Variants in TMOD2 observed in about 807,000 individuals in gnomAD.
TMOD2 encodes tropomodulin 2, also known as tropomodulin-2.
In TMOD2, 22 loss-of-function variants were observed where a neutral mutation model predicts 39.9. The observed-to-expected ratio is 0.55, with a 90% confidence interval of 0.39 to 0.79. The LOEUF is 0.79. TMOD2 is among the 30% of genes least tolerant of loss of function. The probability of loss-of-function intolerance (pLI) is 0.00; values close to 1 mark genes in which losing one functional copy is unlikely to be tolerated. For synonymous variants in TMOD2, 123 were observed against 146.1 expected, an observed-to-expected ratio of 0.84 and a Z score of 1.14; for missense variants, 386 against 413.3, an observed-to-expected ratio of 0.93 and a Z score of 0.57.
Position 51,813,633 on chromosome 15 carries a change from G to C in TMOD2, c.*5179G>C, listed in dbSNP as rs1161474622. 2.0e-5 allele frequency: 3 copies of C among 152,200 alleles called. No individual in the cohort carries two copies. Among genetic ancestry groups the C allele is most frequent in the Non-Finnish European group, 4.4e-5 (3 of 68,046 alleles). 9.4% of individuals were successfully genotyped at this position (152,200 alleles called of 1,614,324 possible). On this transcript the variant is annotated 3_prime_UTR_variant, in exon 10 of 10. Transcript: ENST00000249700. The stretch of plus-strand genomic sequence containing the variant: ...AATTATAGACTATATAGGGGGAAGA[G>C]CACTGGATTTGGAGTCAAGAAACCT...
intron 3 of TMOD2, 42 bp downstream of exon 3, chr15:51,768,460 C>CTT (rs61348403): frequency 0.018 from 24,594 of 1,330,016 alleles, 7 homozygotes; most frequent in African/African-American, 0.024. Flanking sequence ...GAGGTTCTCT[C>CTT]TTTTTTTTTT....
chr15:51,793,686 G>T (rs2056028412), intron 7 of TMOD2, among the ~76,000 whole-genome samples: 1 of 152,218 alleles, frequency 6.6e-6, no homozygotes, highest in Non-Finnish European at 1.5e-5. Flanking sequence ...CCAGTATTGT[G>T]TTTGGCTGGC....
chr15:51,777,059 G>A (rs1352556587), intron 5 of TMOD2, 41 bp downstream of exon 5: 1 of 1,572,240 alleles, frequency 6.4e-7, no homozygotes, highest in Non-Finnish European at 8.7e-7. Flanking sequence ...AAGCTTTGGA[G>A]CCTCCAGAGT....
At chr15:51,759,807 G>T (rs558327796) in intron 1 of TMOD2, among the ~76,000 whole-genome samples, 25 of 152,180 alleles carry the variant, frequency 1.6e-4, no homozygotes, top group African/African-American at 2.4e-5. Context: ...TTACAAAGAT[G>T]GGGGGAGGAT....
chr15:51,781,467 C>G (rs1302811447), intron 6 of TMOD2, among the ~76,000 whole-genome samples: 1 of 152,230 alleles, frequency 6.6e-6, no homozygotes, highest in Non-Finnish European at 1.5e-5. Context: ...TTATTTCACA[C>G]ACAATTTTTC....
At chr15:51,801,235 T>TCACACACACACACACA (rs745892590) in intron 8 of TMOD2, among the ~76,000 whole-genome samples, 48 of 108,982 alleles carry the variant, frequency 4.4e-4, no homozygotes, top group African/African-American at 1.8e-3. Context: ...TCTCTCTCTC[T>TCACACACACACACACA]CTCACACACA....
intron 6 of TMOD2, among the ~76,000 whole-genome samples, chr15:51,781,946 A>C (rs1351430943): frequency 6.6e-6 from 1 of 152,136 alleles, no homozygotes; most frequent in African/African-American, 2.4e-5. Context: ...CATGTCCTTT[A>C]CTAAATACTT....
intron 1 of TMOD2, among the ~76,000 whole-genome samples, chr15:51,760,531 G>C (rs778589804): frequency 1.3e-5 from 2 of 152,220 alleles, no homozygotes; most frequent in African/African-American, 2.4e-5. Context: ...TGGGCTGGGC[G>C]TGGTGGCTCA....
intron 7 of TMOD2, among the ~76,000 whole-genome samples, chr15:51,791,370 G>T (rs1353462693): frequency 6.6e-6 from 1 of 152,118 alleles, no homozygotes; most frequent in Non-Finnish European, 1.5e-5. Context: ...ACAAACAAAT[G>T]AAAAAACATT....
intron 5 of TMOD2, among the ~76,000 whole-genome samples, chr15:51,778,270 G>C (rs775069689): frequency 2.8e-5 from 4 of 142,530 alleles, no homozygotes; most frequent in Non-Finnish European, 6.0e-5. Context: ...CTCACTCATA[G>C]ATGGGAATTG....
In TMOD2 at chr15:51,807,562, C is replaced by T. The variant is rs148171099; in HGVS notation, c.1022-858C>T. On this transcript the variant is annotated intron_variant, in intron 9 of 9. Coordinates refer to ENST00000249700, the MANE Select transcript of TMOD2 (RefSeq NM_014548.4). ...AGTGGAAGCAGCAATCAGAAGGCAC[C>T]TAGGAAAAGCACATTGGGTCCACAA... is the stretch of plus-strand genomic sequence containing the variant. Among the ~76,000 whole-genome samples the T allele has an allele frequency of 1.4e-3, 211 of 152,096 alleles. 5 individuals carry two copies. In the East Asian group the frequency reaches 0.037, roughly 26 times the overall value.
At chr15:51,768,196 A>T (rs1246315375) in intron 2 of TMOD2, 66 bp from the exon 3 acceptor site, 1 of 1,581,788 alleles carries the variant, frequency 6.3e-7, no homozygotes, top group Non-Finnish European at 8.7e-7. Flanking sequence ...GTGGGGGTGG[A>T]AGAGGAAGTA....
intron 8 of TMOD2, among the ~76,000 whole-genome samples, chr15:51,803,753 T>A (rs1200635642): frequency 6.6e-6 from 1 of 152,102 alleles, no homozygotes; most frequent in Non-Finnish European, 1.5e-5. Flanking sequence ...ACAAATCAAG[T>A]TAAAAAACTC....
At chr15:51,760,761 G>A (rs186528649) in intron 1 of TMOD2, among the ~76,000 whole-genome samples, 4 of 152,086 alleles carry the variant, frequency 2.6e-5, no homozygotes, top group East Asian at 1.9e-4. Flanking sequence ...AGCCGAGGTC[G>A]TGCCATTGCA....
chr15:51,771,266 A>G (rs2055851909), intron 3 of TMOD2, among the ~76,000 whole-genome samples: 1 of 152,200 alleles, frequency 6.6e-6, no homozygotes, highest in Admixed American at 6.5e-5. Flanking sequence ...GGGCCCCAGA[A>G]GGACCAGTGA....
chr15:51,790,664 G>T (rs910530563), intron 7 of TMOD2, among the ~76,000 whole-genome samples: 1 of 152,134 alleles, frequency 6.6e-6, no homozygotes, highest in African/African-American at 2.4e-5. Flanking sequence ...CTATGATCAA[G>T]TCGCCTTCAT....
intron 4 of TMOD2, among the ~76,000 whole-genome samples, chr15:51,775,196 C>A (rs560997534): frequency 2.4e-4 from 36 of 152,288 alleles, no homozygotes; most frequent in African/African-American, 8.7e-4. Flanking sequence ...ACAGAAAGTT[C>A]TTCAAGGGAG....
chr15:51,763,247 T>C (rs2055793848), intron 1 of TMOD2, among the ~76,000 whole-genome samples: 1 of 152,226 alleles, frequency 6.6e-6, no homozygotes, highest in African/African-American at 2.4e-5. Flanking sequence ...TCACAATTTG[T>C]TTTTTATTCA....
rs2056185264 is a variant in TMOD2, at chr15:51,815,793, T to TA, written c.*7343dup. On this transcript the variant is annotated 3_prime_UTR_variant, in exon 10 of 10. Coordinates refer to ENST00000249700, the MANE Select transcript of TMOD2 (RefSeq NM_014548.4). ...GCATTTTTCATTGCACTTAAAAATG[T>TA]AAAATACCTGCATGCCACTAATCTG... The TA allele has an allele frequency of 1.3e-5, 2 of 152,212 alleles. No individual in the cohort carries two copies. Among genetic ancestry groups the TA allele is most frequent in the Admixed American group, 1.3e-4 (2 of 15,286 alleles). 9.4% of individuals were successfully genotyped at this position (152,212 alleles called of 1,614,324 possible).
Sources: gnomAD v4.1 joint callset for allele counts (sites outside exome capture counted in the v4.1 genomes callset) on GRCh38, gnomAD v4.1.1 for gene constraint, MANE v1.5 for transcripts, NCBI Gene and HGNC (gene_info 2026-07-23, HGNC 2026-07-21) for gene names.